Variants in OSBPL8 observed in about 807,000 individuals in gnomAD.
The protein encoded by OSBPL8 is oxysterol binding protein like 8.
In OSBPL8, 59 loss-of-function variants were observed where a neutral mutation model predicts 125.5. That is an observed-to-expected ratio of 0.47 (90% CI 0.38 to 0.58). The LOEUF is 0.58. Ranked by LOEUF, OSBPL8 falls within the 20% of genes least tolerant of loss-of-function variation. OSBPL8 has a pLI of 0.00. For missense variants in OSBPL8, 758 were observed against 1,047.8 expected (o/e 0.72, Z 3.82); for synonymous variants, 330 against 338.9 (o/e 0.97, Z 0.29).
chr12:76,542,525 G>A (rs1264482205), intron 1 of OSBPL8, among the ~76,000 whole-genome samples: 1 of 152,206 alleles, frequency 6.6e-6, no homozygotes, highest in Non-Finnish European at 1.5e-5. Flanking sequence ...CACCCCCAAA[G>A]TGTCTGATTC....
chr12:76,454,514 C>A (rs1208377107), intron 3 of OSBPL8, among the ~76,000 whole-genome samples: 2 of 151,406 alleles, frequency 1.3e-5, no homozygotes, highest in African/African-American at 4.9e-5. Context: ...CATAGCAAGA[C>A]CTATCTCTAA....
At chr12:76,437,449 TTAGGTATC>T (rs1871602269) in intron 4 of OSBPL8, among the ~76,000 whole-genome samples, 1 of 152,224 alleles carries the variant, frequency 6.6e-6, no homozygotes, top group Non-Finnish European at 1.5e-5. Flanking sequence ...ACCTCTTCTG[TTAGGTATC>T]TATTCATGTC....
intron 5 of OSBPL8, among the ~76,000 whole-genome samples, chr12:76,408,793 C>T (rs181161830): frequency 4.3e-4 from 66 of 152,204 alleles, no homozygotes; most frequent in African/African-American, 1.3e-3. Flanking sequence ...GGTTCCTCCC[C>T]GCCCCCCATT....
intron 1 of OSBPL8, among the ~76,000 whole-genome samples, chr12:76,491,933 C>T (rs1043649775): frequency 6.6e-6 from 1 of 151,936 alleles, no homozygotes; most frequent in Non-Finnish European, 1.5e-5. Flanking sequence ...TTCATGATAT[C>T]CATTCAATTT....
At chr12:76,367,452 A>G (rs1282945009) in intron 21 of OSBPL8, among the ~76,000 whole-genome samples, 4 of 151,960 alleles carry the variant, frequency 2.6e-5, no homozygotes, top group African/African-American at 9.7e-5. Context: ...ATTTCTGCCT[A>G]TGGATCTAAA....
In OSBPL8 at chr12:76,413,292, T is replaced by C. The variant is rs141218730; in HGVS notation, c.218-2658A>G. Among the ~76,000 whole-genome samples the C allele has an allele frequency of 1.7e-3, 259 of 152,316 alleles. 1 individual carries two copies. Among genetic ancestry groups the C allele is most frequent in the African/African-American group, 6.1e-3 (253 of 41,568 alleles). The stretch of plus-strand genomic sequence containing the variant: ...ACAATCCACCCTTTGTCTTCACAAG[T>C]AATTCGACTTGTGCAATAATTATTT... On this transcript the variant is annotated intron_variant, in intron 4 of 23. Coordinates refer to ENST00000261183, the MANE Select transcript of OSBPL8 (RefSeq NM_020841.5).
intron 2 of OSBPL8, among the ~76,000 whole-genome samples, chr12:76,462,673 A>G (rs1443732464): frequency 6.6e-6 from 1 of 152,204 alleles, no homozygotes; most frequent in Non-Finnish European, 1.5e-5. Context: ...TAGGGGGGGA[A>G]ATAAGTAACA....
intron 5 of OSBPL8, among the ~76,000 whole-genome samples, chr12:76,404,500 C>T (rs960208679): frequency 1.3e-5 from 2 of 152,042 alleles, no homozygotes; most frequent in Non-Finnish European, 2.9e-5. Context: ...GGAAGTTACA[C>T]TGAGTGTACC....
At position 76,440,238 on chromosome 12, in the gene OSBPL8, C is replaced by CA. The variant is rs1306354952; in HGVS notation, c.217+10612dup. ...AGTTCCAACTGATGCAGACTTTATA[C>CA]AGCTGCACAGTAGGTACCTCATGTG... On this transcript the variant is annotated intron_variant, in intron 4 of 23. Transcript: ENST00000261183. Among the ~76,000 whole-genome samples the CA allele has an allele frequency of 2.6e-5, 4 of 152,202 alleles. No homozygotes were observed. In the East Asian group the frequency reaches 7.7e-4, roughly 29 times the overall value.
At chr12:76,457,776 T>C (rs74103465) in intron 3 of OSBPL8, among the ~76,000 whole-genome samples, 6,585 of 152,146 alleles carry the variant, frequency 0.043, 513 homozygotes, top group African/African-American at 0.15. Context: ...GTAAAAAAGA[T>C]CTCCATTTGT....
chr12:76,558,839 A>G (rs1225075325), intron 1 of OSBPL8, among the ~76,000 whole-genome samples: 32 of 152,234 alleles, frequency 2.1e-4, no homozygotes, highest in Non-Finnish European at 1.5e-5. Context: ...GCTTAGAAAC[A>G]AACATTAAAT....
intron 9 of OSBPL8, among the ~76,000 whole-genome samples, chr12:76,394,180 T>C (rs1953694262): frequency 6.6e-6 from 1 of 152,266 alleles, no homozygotes; most frequent in Admixed American, 6.5e-5. Context: ...TACCTTGATA[T>C]CATTTAAGTT....
chr12:76,524,423 G>C (rs1950107435), intron 1 of OSBPL8, among the ~76,000 whole-genome samples: 1 of 152,156 alleles, frequency 6.6e-6, no homozygotes, highest in South Asian at 2.1e-4. Flanking sequence ...AATAAGAGTA[G>C]TAAGAGCAAT....
At position 76,410,616 on chromosome 12, in the gene OSBPL8, T is replaced by G; in HGVS notation, c.236A>C (p.Glu79Ala). ...TTCATCTTTATTTTGAGAAATATCT[T>G]CCTTCCCTCTTTCAAAACCTTAAAA... Reference protein sequence around the residue: ...PHSQGFERGKEDISQNKDESS... With the variant: ...PHSQGFERGKADISQNKDESS... Residue 79 changes from glutamate to alanine, a missense_variant, in exon 5 of 24, where the codon GAA (glutamate) becomes GCA (alanine). Coordinates refer to ENST00000261183, the MANE Select transcript of OSBPL8 (RefSeq NM_020841.5). 6.2e-7 allele frequency: 1 copy of G among 1,606,778 alleles called. No homozygotes were observed. The highest frequency in any genetic ancestry group is 8.5e-7 in the Non-Finnish European group (1 of 1,174,326).
chr12:76,481,990 T>C (rs1877552327), intron 2 of OSBPL8, among the ~76,000 whole-genome samples: 1 of 152,166 alleles, frequency 6.6e-6, no homozygotes, highest in South Asian at 2.1e-4. Context: ...TATGTAAAAA[T>C]CAGTTACAGG....
intron 4 of OSBPL8, among the ~76,000 whole-genome samples, chr12:76,414,712 CAA>C (rs1325993842): frequency 3.9e-5 from 6 of 152,042 alleles, no homozygotes; most frequent in Non-Finnish European, 4.4e-5. Context: ...CTCAACCTCC[CAA>C]AGTGCTGGAA....
At chr12:76,464,364 C>G (rs1312613437) in intron 2 of OSBPL8, among the ~76,000 whole-genome samples, 2 of 152,294 alleles carry the variant, frequency 1.3e-5, no homozygotes, top group East Asian at 3.9e-4. Context: ...AATGTCCACA[C>G]AGTTATCTAA....
At chr12:76,370,156 A>C (rs1329270918) in intron 19 of OSBPL8, among the ~76,000 whole-genome samples, 4 of 152,208 alleles carry the variant, frequency 2.6e-5, no homozygotes, top group Non-Finnish European at 4.4e-5. Flanking sequence ...CTACGCTTTT[A>C]GCAAGCTTCC....
chr12:76,372,639 C>T (rs1952662991), intron 18 of OSBPL8, among the ~76,000 whole-genome samples: 1 of 152,184 alleles, frequency 6.6e-6, no homozygotes, highest in South Asian at 2.1e-4. Context: ...TTTCTGCTTA[C>T]TGCATGCAGA....
Sources: gnomAD v4.1 joint callset for allele counts (sites outside exome capture counted in the v4.1 genomes callset) on GRCh38, gnomAD v4.1.1 for gene constraint, MANE v1.5 for transcripts, NCBI Gene and HGNC (gene_info 2026-07-23, HGNC 2026-07-21) for gene names.